The following TENM2 variants were observed in gnomAD, a reference collection of about 807,000 sequenced individuals.
TENM2 encodes teneurin-2.
Under a neutral mutation model 245.2 loss-of-function variants are expected in TENM2, and 52 were observed. That is an observed-to-expected ratio of 0.21 (90% confidence interval 0.17 to 0.27). The LOEUF is 0.27. TENM2 is among the 10% of genes least tolerant of loss of function. The pLI, the probability that TENM2 is intolerant of heterozygous loss-of-function variation, is 1.00. For synonymous variants in TENM2, 1,363 were observed against 1,438.9 expected (o/e 0.95, Z 1.19); for missense variants, 3,046 against 3,666.8 (o/e 0.83, Z 4.37).
intron 2 of TENM2, among the ~76,000 whole-genome samples, chr5:167,841,925 G>A (rs933652513): frequency 6.6e-6 from 1 of 151,548 alleles, no homozygotes; most frequent in African/African-American, 2.4e-5. Context: ...ATTCATATAT[G>A]TATATATGTA....
exon 14 of TENM2, chr5:168,190,425 G>A: frequency 6.2e-7 from 1 of 1,613,970 alleles, no homozygotes; most frequent in Non-Finnish European, 8.5e-7. Flanking sequence ...GGGACCCACT[G>A]GACATCATTC....
At chr5:167,671,519 T>G (rs1445278163) in intron 2 of TENM2, among the ~76,000 whole-genome samples, 1 of 152,068 alleles carries the variant, frequency 6.6e-6, no homozygotes. Context: ...GTAGATATTT[T>G]TAGTTTCCCA....
At chr5:167,038,932 A>G in the TENM2 span, among the ~76,000 whole-genome samples, 3 of 152,326 alleles carry the variant, frequency 2.0e-5, no homozygotes, top group East Asian at 1.9e-4. Context: ...TAAGAAATGT[A>G]AACATCAAGA....
intron 2 of TENM2, among the ~76,000 whole-genome samples, chr5:167,710,230 CAT>C (rs1758817077): frequency 6.6e-6 from 1 of 152,072 alleles, no homozygotes; most frequent in Admixed American, 6.5e-5. Context: ...TGTACACACA[CAT>C]ACAGGTATAC....
chr5:167,815,975 TGTG>T lies in TENM2; in HGVS notation c.503-60010_503-60008del, dbSNP rs1767021841. Among the ~76,000 whole-genome samples, 26 of 54,622 alleles carry T rather than the reference TGTG, an allele frequency of 4.8e-4. No homozygotes were observed. The Admixed American group carries it at 6.2e-3, about 13-fold the overall frequency. 35.8% of individuals were successfully genotyped at this position (54,622 alleles called of 152,430 possible). A position where few individuals can be genotyped will look rare whatever the true frequency, so the allele number is the denominator to read the frequency against. On this transcript the variant is annotated intron_variant, in intron 2 of 28. Transcript: ENST00000518659. The stretch of plus-strand genomic sequence containing the variant: ...ACTTAAGTCCCATTATGATCCTTTG[TGTG>T]TGTGTGTGTGTGTGTGTGTGTGTGT...
At chr5:167,070,024 T>C in the TENM2 span, among the ~76,000 whole-genome samples, 8 of 152,176 alleles carry the variant, frequency 5.3e-5, no homozygotes, top group African/African-American at 1.9e-4. Flanking sequence ...ATGTACCGTC[T>C]TAAAGCGTGT....
At chr5:167,107,481 G>T in the TENM2 span, among the ~76,000 whole-genome samples, 1 of 151,936 alleles carries the variant, frequency 6.6e-6, no homozygotes, top group Non-Finnish European at 1.5e-5. Flanking sequence ...AGATTCAGAG[G>T]GTTATCATTG....
chr5:168,204,194 C>A, intron 18 of TENM2, among the ~76,000 whole-genome samples, 178 bp from the exon 21 acceptor site: 1 of 151,802 alleles, frequency 6.6e-6, no homozygotes, highest in Non-Finnish European at 1.5e-5. Context: ...TTACCCAATG[C>A]CACAGCATTT....
intron 2 of TENM2, among the ~76,000 whole-genome samples, chr5:167,822,033 T>C (rs980924419): frequency 1.4e-4 from 22 of 151,994 alleles, no homozygotes; most frequent in African/African-American, 5.3e-4. Flanking sequence ...TTCATTTTGT[T>C]TTGTTTTGTT....
At chr5:167,778,771 T>C (rs2150817793) in intron 2 of TENM2, among the ~76,000 whole-genome samples, 1 of 152,244 alleles carries the variant, frequency 6.6e-6, no homozygotes, top group Non-Finnish European at 1.5e-5. Flanking sequence ...TTAATCTGGG[T>C]GAAAATGTAG....
chr5:167,985,908 G>A (rs1007012300), intron 4 of TENM2, among the ~76,000 whole-genome samples: 11 of 152,316 alleles, frequency 7.2e-5, no homozygotes, highest in Admixed American at 5.9e-4. Context: ...TGGAGCCTCA[G>A]GTAGCTTAGC....
chr5:167,571,078 T>C (rs1774238823), intron 2 of TENM2, among the ~76,000 whole-genome samples: 1 of 152,168 alleles, frequency 6.6e-6, no homozygotes, highest in Non-Finnish European at 1.5e-5. Context: ...CATTTTGAGG[T>C]GATGAAATAT....
intron 23 of TENM2, among the ~76,000 whole-genome samples, chr5:168,221,428 C>A (rs1204767405): frequency 6.6e-6 from 1 of 152,128 alleles, no homozygotes; most frequent in Non-Finnish European, 1.5e-5. Context: ...GACTGGAATC[C>A]AGATCTCCAA....
At chr5:167,827,628 C>CGGT (rs1554126454) in intron 2 of TENM2, among the ~76,000 whole-genome samples, 1 of 34,226 alleles carries the variant, frequency 2.9e-5, no homozygotes. Flanking sequence ...GCTAGGTGGG[C>CGGT]GGGGGGGGGG....
chr5:167,442,784 G>C (rs1023119058), intron 2 of TENM2, among the ~76,000 whole-genome samples: 15 of 152,032 alleles, frequency 9.9e-5, no homozygotes, highest in Admixed American at 3.3e-4. Context: ...TCATTCAGTA[G>C]GTTAAAAAAT....
At chr5:167,930,771 T>TAA (rs397737158) in intron 3 of TENM2, among the ~76,000 whole-genome samples, 23 of 151,774 alleles carry the variant, frequency 1.5e-4, no homozygotes, top group Non-Finnish European at 2.7e-4. Flanking sequence ...TTTTTTTTTT[T>TAA]AAAAAAGCAT....
At chr5:168,041,695 G>A (rs189528881) in intron 5 of TENM2, among the ~76,000 whole-genome samples, 149 of 152,276 alleles carry the variant, frequency 9.8e-4, no homozygotes, top group Middle Eastern at 3.4e-3. Flanking sequence ...TTCCATGACA[G>A]CAAGGATTTT....
At position 168,054,802 on chromosome 5, in the gene TENM2, C is replaced by T. The variant is rs147236789; in HGVS notation, c.1309+7253C>T. Among the ~76,000 whole-genome samples the T allele has an allele frequency of 1.6e-4, 25 of 152,210 alleles. 1 individual carries two copies. The East Asian group carries it at 3.9e-3, about 23-fold the overall frequency. ...TTTCACATTTACATGAGCAATCTTC[C>T]GTGGAGTTATAGAGTTGGACTATCC... On this transcript the variant is annotated intron_variant, in intron 6 of 28. Coordinates refer to ENST00000518659, the Ensembl canonical transcript of TENM2.
chr5:167,761,503 G>GA lies in TENM2; in HGVS notation c.503-114473dup, dbSNP rs202088422. On this transcript the variant is annotated intron_variant, in intron 2 of 28. Coordinates refer to ENST00000518659, the Ensembl canonical transcript of TENM2. The stretch of plus-strand genomic sequence containing the variant: ...CATGGAGAAATATGGACTGCTATTA[G>GA]AAAAAAAAAATCATCCTAAAATCAT... Among the ~76,000 whole-genome samples, 338 of 147,774 alleles carry GA rather than the reference G, an allele frequency of 2.3e-3. 1 individual carries two copies. Among genetic ancestry groups the GA allele is most frequent in the African/African-American group, 7.3e-3 (294 of 40,302 alleles).
Sources: gnomAD v4.1 joint callset for allele counts (sites outside exome capture counted in the v4.1 genomes callset) on GRCh38, gnomAD v4.1.1 for gene constraint, MANE v1.5 for transcripts, NCBI Gene and HGNC (gene_info 2026-07-23, HGNC 2026-07-21) for gene names.